Variants in RMST observed in about 807,000 individuals in gnomAD.
RMST encodes long intergenic non-protein coding RNA 54.
At chr12:97,501,177 G>T (rs576730212) in intron 10 of RMST, among the ~76,000 whole-genome samples, 2 of 152,164 alleles carry the variant, frequency 1.3e-5, no homozygotes, top group Admixed American at 6.6e-5. Flanking sequence ...CAGAAGTCTT[G>T]TAGGCATGGA....
At chr12:97,490,520 T>G (rs932605443) in intron 5 of RMST, among the ~76,000 whole-genome samples, 6 of 152,200 alleles carry the variant, frequency 3.9e-5, no homozygotes, top group African/African-American at 1.2e-4. Flanking sequence ...ACACAAAGCA[T>G]TTAGGACAGT....
chr12:97,542,591 T>C (rs947453472), intron 11 of RMST, among the ~76,000 whole-genome samples: 2 of 151,878 alleles, frequency 1.3e-5, no homozygotes, highest in African/African-American at 4.8e-5. Context: ...GCAATTTAAA[T>C]AGGACCAGAG....
chr12:97,563,016 C>A (rs1035593563), intron 13 of RMST, among the ~76,000 whole-genome samples: 1 of 152,096 alleles, frequency 6.6e-6, no homozygotes, highest in African/African-American at 2.4e-5. Context: ...CAGATAAAAC[C>A]ATTGGGATTT....
At chr12:97,466,032 A>G (rs1873142654) in intron 5 of RMST, among the ~76,000 whole-genome samples, 1 of 152,136 alleles carries the variant, frequency 6.6e-6, no homozygotes, top group South Asian at 2.1e-4. Context: ...TATTTATTTT[A>G]TGTGGATTTT....
intron 5 of RMST, chr12:97,492,127 C>T: frequency 2.9e-6 from 1 of 341,642 alleles, no homozygotes; most frequent in Non-Finnish European, 6.2e-6. Flanking sequence ...GTGAAGAATT[C>T]AGTAATTTAT....
chr12:97,467,736 C>T (rs1873368971), intron 5 of RMST, among the ~76,000 whole-genome samples: 1 of 151,892 alleles, frequency 6.6e-6, no homozygotes, highest in African/African-American at 2.4e-5. Flanking sequence ...TTGTGCTGTG[C>T]CATTATTCTT....
intron 11 of RMST, among the ~76,000 whole-genome samples, chr12:97,540,941 G>GATATAGATATAGAT (rs145936227): frequency 4.8e-5 from 7 of 145,526 alleles, no homozygotes; most frequent in Middle Eastern, 3.4e-3. Context: ...TAGAGAGATA[G>GATATAGATATAGAT]ATAGATATAG....
chr12:97,491,907 A>G (rs761411918), intron 5 of RMST: 2 of 532,608 alleles, frequency 3.8e-6, no homozygotes, highest in Non-Finnish European at 3.9e-6. Context: ...TGGGTCAGCT[A>G]TGTGGACTCT....
intron 5 of RMST, among the ~76,000 whole-genome samples, chr12:97,481,910 A>G (rs188782188): frequency 3.9e-5 from 6 of 152,300 alleles, no homozygotes; most frequent in Non-Finnish European, 8.8e-5. Flanking sequence ...TCCATCTCGA[A>G]ACTTCAGCCC....
At chr12:97,487,512 A>G (rs1876242841) in intron 5 of RMST, among the ~76,000 whole-genome samples, 1 of 152,176 alleles carries the variant, frequency 6.6e-6, no homozygotes, top group African/African-American at 2.4e-5. Context: ...TTTGTTCAGA[A>G]AATCTGAAAA....
intron 5 of RMST, among the ~76,000 whole-genome samples, chr12:97,477,408 A>G (rs970075041): frequency 2.0e-5 from 3 of 152,220 alleles, no homozygotes; most frequent in Non-Finnish European, 2.9e-5. Flanking sequence ...AAGAAAGGCC[A>G]CAATAATCCA....
At chr12:97,480,082 CTTTTTTCTTTTT>C (rs1408437872) in intron 5 of RMST, among the ~76,000 whole-genome samples, 1 of 107,842 alleles carries the variant, frequency 9.3e-6, no homozygotes, top group East Asian at 2.1e-4. Context: ...CTTTTCTTTT[CTTTTTTCTTTTT>C]TTTTCTTTTT....
intron 5 of RMST, among the ~76,000 whole-genome samples, chr12:97,480,777 C>G (rs534539280): frequency 1.3e-5 from 2 of 152,268 alleles, no homozygotes; most frequent in South Asian, 4.1e-4. Flanking sequence ...CACATACTGT[C>G]TACTTTGCCT....
At chr12:97,559,094 C>CTT in intron 11 of RMST, among the ~76,000 whole-genome samples, 1 of 150,862 alleles carries the variant, frequency 6.6e-6, no homozygotes, top group African/African-American at 2.4e-5. Flanking sequence ...AGGTTTCTCT[C>CTT]TCTCTCTCTC....
intron 10 of RMST, among the ~76,000 whole-genome samples, chr12:97,499,191 C>G (rs1217888665): frequency 6.6e-6 from 1 of 152,114 alleles, no homozygotes; most frequent in Non-Finnish European, 1.5e-5. Context: ...TAAACACAAA[C>G]TGTAATCCTT....
chr12:97,489,465 A>C (rs1023858060), intron 5 of RMST, among the ~76,000 whole-genome samples: 5 of 152,092 alleles, frequency 3.3e-5, no homozygotes, highest in Non-Finnish European at 7.4e-5. Flanking sequence ...AAGAAAAAAA[A>C]AAAAGGCTAC....
intron 10 of RMST, among the ~76,000 whole-genome samples, chr12:97,514,329 C>T (rs1879714056): frequency 6.6e-6 from 1 of 152,136 alleles, no homozygotes; most frequent in Non-Finnish European, 1.5e-5. Context: ...ATCTCTGTAC[C>T]TGGAAAATTC....
intron 11 of RMST, chr12:97,533,324 A>C (rs1881822182): frequency 2.0e-5 from 3 of 151,874 alleles, no homozygotes; most frequent in Non-Finnish European, 4.4e-5. Flanking sequence ...CAACCACCGA[A>C]ATTGCATATC....
At chr12:97,500,134 T>C (rs1256015018) in intron 10 of RMST, among the ~76,000 whole-genome samples, 1 of 152,192 alleles carries the variant, frequency 6.6e-6, no homozygotes, top group Non-Finnish European at 1.5e-5. Context: ...GATATGGCTG[T>C]CAATTGCCTT....
Sources: gnomAD v4.1 joint callset for allele counts (sites outside exome capture counted in the v4.1 genomes callset) on GRCh38, gnomAD v4.1.1 for gene constraint, MANE v1.5 for transcripts, NCBI Gene and HGNC (gene_info 2026-07-23, HGNC 2026-07-21) for gene names.